Variants in USP3 observed in about 807,000 individuals in gnomAD.
USP3 encodes ubiquitin specific peptidase 3, also known as ubiquitin carboxyl-terminal hydrolase 3.
In USP3, 20 loss-of-function variants were observed where a neutral mutation model predicts 72.3. The ratio of observed to expected loss-of-function variants is 0.28; its 90% CI spans 0.19 to 0.40. USP3 has a LOEUF of 0.40. USP3 is among the 10% of genes least tolerant of loss of function. The probability of loss-of-function intolerance (pLI) is 1.00; values close to 1 mark genes in which losing one functional copy is unlikely to be tolerated. For synonymous variants in USP3, 222 were observed against 225.3 expected (o/e 0.99, Z 0.13); for missense variants, 479 against 633.9 (o/e 0.76, Z 2.62).
intron 9 of USP3, among the ~76,000 whole-genome samples, chr15:63,571,173 T>C (rs1566912548): frequency 6.6e-6 from 1 of 152,176 alleles, no homozygotes; most frequent in Non-Finnish European, 1.5e-5. Flanking sequence ...GAAGGGAAGA[T>C]TTAATGTTAT....
At chr15:63,557,265 T>G (rs1186928878) in intron 5 of USP3, among the ~76,000 whole-genome samples, 2 of 151,004 alleles carry the variant, frequency 1.3e-5, no homozygotes, top group East Asian at 3.9e-4. Context: ...TGTTTTTGTT[T>G]TTGTTTTTTT....
chr15:63,548,817 C>T (rs752901212), intron 3 of USP3, among the ~76,000 whole-genome samples: 9 of 152,030 alleles, frequency 5.9e-5, no homozygotes, highest in Non-Finnish European at 1.2e-4. Flanking sequence ...CCTCAACCTC[C>T]TGAGTAGCTG....
intron 8 of USP3, among the ~76,000 whole-genome samples, chr15:63,568,489 C>T (rs1362209423): frequency 6.6e-6 from 1 of 151,998 alleles, no homozygotes; most frequent in Non-Finnish European, 1.5e-5. Context: ...GTTTGGGTGA[C>T]ATTGCTGAAA....
intron 8 of USP3, among the ~76,000 whole-genome samples, chr15:63,566,830 T>C (rs759499351): frequency 6.6e-6 from 1 of 152,252 alleles, no homozygotes; most frequent in East Asian, 1.9e-4. Flanking sequence ...GTCATGATTG[T>C]TGCCAAATAC....
chr15:63,543,861 G>T (rs2066281426), intron 3 of USP3, among the ~76,000 whole-genome samples: 1 of 152,106 alleles, frequency 6.6e-6, no homozygotes, highest in African/African-American at 2.4e-5. Flanking sequence ...TAGGAAGTAT[G>T]AATCTATATT....
At chr15:63,567,341 ATTTTTTTTTTTTT>A (rs1276442905) in intron 8 of USP3, among the ~76,000 whole-genome samples, 2 of 119,536 alleles carry the variant, frequency 1.7e-5, no homozygotes, top group African/African-American at 3.1e-5. Context: ...TGCCTGGCTA[ATTTTTTTTTTTTT>A]TTTTTTTTTT....
At chr15:63,508,336 G>C (rs1249521000) in intron 1 of USP3, among the ~76,000 whole-genome samples, 1 of 151,390 alleles carries the variant, frequency 6.6e-6, no homozygotes, top group Non-Finnish European at 1.5e-5. Context: ...GTAGAGACCT[G>C]AGGTTTTTGA....
intron 1 of USP3, among the ~76,000 whole-genome samples, chr15:63,525,639 G>T (rs149495097): frequency 6.6e-6 from 1 of 152,312 alleles, no homozygotes; most frequent in African/African-American, 2.4e-5. Flanking sequence ...AGATAGAAGA[G>T]ACTTCTGAAA....
At chr15:63,547,118 CTAGT>C in intron 3 of USP3, among the ~76,000 whole-genome samples, 1 of 152,270 alleles carries the variant, frequency 6.6e-6, no homozygotes, top group South Asian at 2.1e-4. Context: ...TGCTGTGAGG[CTAGT>C]TACACAGAGG....
intron 1 of USP3, 114 bp downstream of exon 1, chr15:63,504,944 A>G (rs2065688643): frequency 1.3e-6 from 1 of 766,452 alleles, no homozygotes; most frequent in Non-Finnish European, 1.7e-6. Flanking sequence ...GGCGAGGGCG[A>G]GCCGGGCCCG....
rs1053432501 is a variant in USP3, at chr15:63,528,592, G to A, written c.92-4055G>A. 2.0e-5 allele frequency among the ~76,000 whole-genome samples: 3 copies of A among 152,164 alleles called. No individual in the cohort carries two copies. Among genetic ancestry groups the A allele is most frequent in the Admixed American group, 2.0e-4 (3 of 15,274 alleles). On this transcript the variant is annotated intron_variant, in intron 1 of 14. Transcript: ENST00000380324. This position sits in a 1 kb window ranked among gnomAD's most constrained non-coding sequence, Gnocchi z 4.3. ...ATTGTGTGGGTATCAGTATGTGTGT[G>A]TATATGAGTATTTCAGCTATATTAT...
At chr15:63,559,477 A>T (rs1367801751) in intron 6 of USP3, among the ~76,000 whole-genome samples, 1 of 152,208 alleles carries the variant, frequency 6.6e-6, no homozygotes, top group Non-Finnish European at 1.5e-5. Context: ...TGTATAGTGT[A>T]TCAAAATAAT....
At chr15:63,565,576 A>G (rs186773431) in intron 8 of USP3, among the ~76,000 whole-genome samples, 18 of 152,360 alleles carry the variant, frequency 1.2e-4, no homozygotes, top group Middle Eastern at 3.4e-3. Context: ...GGAAGCAACC[A>G]TAGTTACTAG....
At chr15:63,580,674 T>TATA (rs2066941142) in intron 11 of USP3, among the ~76,000 whole-genome samples, 2 of 131,162 alleles carry the variant, frequency 1.5e-5, no homozygotes, top group Non-Finnish European at 1.6e-5. Flanking sequence ...TATATATGAA[T>TATA]ATATAATATA....
chr15:63,566,352 G>A (rs561987297), intron 8 of USP3, among the ~76,000 whole-genome samples: 7 of 150,698 alleles, frequency 4.6e-5, no homozygotes, highest in Non-Finnish European at 1.0e-4. Flanking sequence ...CTTTGTAGCC[G>A]AGACTGGAGT....
At chr15:63,561,926 A>G (rs1292810413) in intron 7 of USP3, among the ~76,000 whole-genome samples, 3 of 152,260 alleles carry the variant, frequency 2.0e-5, no homozygotes, top group African/African-American at 7.2e-5. Context: ...GGATCAGTTT[A>G]GCCACAGGTG....
chr15:63,525,056 A>G (rs1187519864), intron 1 of USP3, among the ~76,000 whole-genome samples: 1 of 152,230 alleles, frequency 6.6e-6, no homozygotes, highest in Non-Finnish European at 1.5e-5. Context: ...ACTTTATATA[A>G]TGATTCAGAA....
At chr15:63,527,019 G>A (rs1040311900) in intron 1 of USP3, among the ~76,000 whole-genome samples, 2 of 152,066 alleles carry the variant, frequency 1.3e-5, no homozygotes, top group Admixed American at 6.5e-5. Flanking sequence ...CTCAGCCTCC[G>A]GAGCAGCAGG....
intron 11 of USP3, among the ~76,000 whole-genome samples, chr15:63,584,737 CCCT>C: frequency 6.6e-6 from 1 of 152,040 alleles, no homozygotes; most frequent in Non-Finnish European, 1.5e-5. Flanking sequence ...TTTATAGTAT[CCCT>C]CAATACACAA....
Sources: gnomAD v4.1 joint callset for allele counts (sites outside exome capture counted in the v4.1 genomes callset) on GRCh38, gnomAD v4.1.1 for gene constraint, Gnocchi (gnomAD v3.1) non-coding constraint, MANE v1.5 for transcripts, NCBI Gene and HGNC (gene_info 2026-07-23, HGNC 2026-07-21) for gene names.